TENM3: variants seen among roughly 807,000 people sequenced by gnomAD.
TENM3 encodes teneurin-3.
Under a neutral mutation model 255.1 loss-of-function variants are expected in TENM3, and 63 were observed. The observed-to-expected ratio is 0.25, with a 90% confidence interval of 0.20 to 0.30. The LOEUF is 0.30. Ranked by LOEUF, TENM3 falls within the 10% of genes least tolerant of loss-of-function variation. The probability of loss-of-function intolerance (pLI) is 1.00; values close to 1 mark genes in which losing one functional copy is unlikely to be tolerated. For synonymous variants in TENM3, 1,306 were observed against 1,322.3 expected (o/e 0.99, Z 0.27); for missense variants, 2,929 against 3,461.1 (o/e 0.85, Z 3.86).
intron 24 of TENM3, among the ~76,000 whole-genome samples, chr4:182,779,298 A>C (rs1487558271): frequency 6.6e-6 from 1 of 151,918 alleles, no homozygotes; most frequent in Non-Finnish European, 1.5e-5. Flanking sequence ...ATGAGTGAGA[A>C]TATACGGTGT....
At chr4:182,587,443 TA>T (rs1746140302) in intron 3 of TENM3, among the ~76,000 whole-genome samples, 1 of 151,984 alleles carries the variant, frequency 6.6e-6, no homozygotes, top group South Asian at 2.1e-4. Flanking sequence ...ATTTTTGTAC[TA>T]AAAATACAAA....
chr4:182,685,508 G>A (rs544290723), intron 11 of TENM3, among the ~76,000 whole-genome samples: 11 of 152,078 alleles, frequency 7.2e-5, no homozygotes, highest in Admixed American at 2.0e-4. Flanking sequence ...TGTTTTGTCC[G>A]CTATTCATAA....
chr4:182,483,725 G>A (rs1036639275), intron 3 of TENM3, among the ~76,000 whole-genome samples: 1 of 152,044 alleles, frequency 6.6e-6, no homozygotes, highest in African/African-American at 2.4e-5. Flanking sequence ...GGGTTTCATT[G>A]GCTCACAGTT....
chr4:181,778,499 G>T, the TENM3 span, among the ~76,000 whole-genome samples: 1 of 152,100 alleles, frequency 6.6e-6, no homozygotes, highest in Non-Finnish European at 1.5e-5. Context: ...AGGTTTTCTG[G>T]TGTTTAGGCC....
intron 3 of TENM3, among the ~76,000 whole-genome samples, chr4:182,441,624 A>G (rs565277134): frequency 5.3e-5 from 8 of 152,264 alleles, no homozygotes; most frequent in African/African-American, 1.9e-4. Flanking sequence ...CAGCCTCCCT[A>G]GTAGCTGGGA....
chr4:182,134,738 C>T, the TENM3 span, among the ~76,000 whole-genome samples: 5 of 152,276 alleles, frequency 3.3e-5, no homozygotes, highest in South Asian at 1.0e-3. Flanking sequence ...GCAAACAAAG[C>T]CAGAGCTACG....
In TENM3 at chr4:182,729,174, A is replaced by G. The variant is rs375007138; in HGVS notation, c.2578A>G (p.Asn860Asp). ...THVIPGESPFNKSLASVIRGQ... is the reference protein window; with the variant it reads ...THVIPGESPFDKSLASVIRGQ... ...TGTTATACCTGGAGAAAGTCCTTTC[A>G]ATAAGAGGTTAATGCTTCTTTTCCA... The change falls in exon 14 of 28, where the codon AAT (asparagine) becomes GAT (aspartate). Residue 860 changes from asparagine (N) to aspartate (D), a missense_variant. Asn to Asp is a conservative substitution (Grantham distance 23, BLOSUM62 1). This residue lies in a region of TENM3 where 1,608 missense variants were observed against 1,884.4 expected (regional missense o/e 0.85). Coordinates refer to ENST00000511685, the MANE Select transcript of TENM3 (RefSeq NM_001080477.4). 1.9e-6 allele frequency: 3 copies of G among 1,612,366 alleles called. No individual in the cohort carries two copies. The African/African-American group carries it at 4.0e-5, about 22-fold the overall frequency.
At chr4:182,598,526 G>C (rs1196012003) in intron 3 of TENM3, among the ~76,000 whole-genome samples, 1 of 152,176 alleles carries the variant, frequency 6.6e-6, no homozygotes. Flanking sequence ...CAATGGTTAC[G>C]TTTTTATTTA....
At chr4:182,263,088 T>C (rs764836695) in intron 1 of TENM3, among the ~76,000 whole-genome samples, 1 of 152,062 alleles carries the variant, frequency 6.6e-6, no homozygotes, top group Non-Finnish European at 1.5e-5. Context: ...CCCTTTCCTG[T>C]ATCATATTTC....
chr4:182,134,177 G>A, the TENM3 span, among the ~76,000 whole-genome samples: 6 of 152,156 alleles, frequency 3.9e-5, no homozygotes, highest in Non-Finnish European at 8.8e-5. Context: ...GGTAGTAAAG[G>A]TTGATTTCTA....
At chr4:181,985,822 TA>T in the TENM3 span, among the ~76,000 whole-genome samples, 1 of 152,154 alleles carries the variant, frequency 6.6e-6, no homozygotes, top group Non-Finnish European at 1.5e-5. Flanking sequence ...TGGTTGTTTT[TA>T]AAGCAAGTGT....
At chr4:181,451,471 A>G in the TENM3 span, among the ~76,000 whole-genome samples, 1 of 152,212 alleles carries the variant, frequency 6.6e-6, no homozygotes, top group African/African-American at 2.4e-5. Context: ...ATTAAAAATC[A>G]TCACACTGGT....
At chr4:181,488,513 G>GA in the TENM3 span, among the ~76,000 whole-genome samples, 5 of 152,136 alleles carry the variant, frequency 3.3e-5, no homozygotes, top group Middle Eastern at 3.4e-3. Flanking sequence ...TTTGAATTGG[G>GA]AAAAAAACTG....
At chr4:182,264,534 TG>T (rs1759102957) in intron 1 of TENM3, among the ~76,000 whole-genome samples, 2 of 152,202 alleles carry the variant, frequency 1.3e-5, no homozygotes, top group South Asian at 4.1e-4. Context: ...AGACTCCTTC[TG>T]GGAAAAAAGA....
At chr4:181,664,457 C>T in the TENM3 span, among the ~76,000 whole-genome samples, 45 of 145,566 alleles carry the variant, frequency 3.1e-4, no homozygotes, top group Non-Finnish European at 6.0e-4. Flanking sequence ...GCGACAAGAG[C>T]GAGACTCTGT....
the TENM3 span, among the ~76,000 whole-genome samples, chr4:181,497,027 C>T: frequency 6.6e-6 from 1 of 152,124 alleles, no homozygotes; most frequent in South Asian, 2.1e-4. Context: ...TGAAATGTTA[C>T]AGCCTGTAGA....
chr4:182,364,849 G>C (rs1200363461), intron 3 of TENM3, among the ~76,000 whole-genome samples: 3 of 151,992 alleles, frequency 2.0e-5, no homozygotes, highest in Non-Finnish European at 4.4e-5. Flanking sequence ...TTGAACTTTC[G>C]CTACTATAAG....
chr4:182,653,037 T>A (rs977014247), intron 5 of TENM3, among the ~76,000 whole-genome samples: 10 of 152,126 alleles, frequency 6.6e-5, no homozygotes, highest in African/African-American at 2.4e-4. Flanking sequence ...TATAGTTGTA[T>A]AGTCTTCTAG....
Position 182,323,109 on chromosome 4 carries a change from G to C in TENM3, c.-75-837G>C, listed in dbSNP as rs565236755. Among the ~76,000 whole-genome samples the C allele has an allele frequency of 7.2e-5, 11 of 152,172 alleles. No individual in the cohort carries two copies. The South Asian group carries it at 2.3e-3, about 32-fold the overall frequency. On this transcript the variant is annotated intron_variant, in intron 1 of 27. Transcript: ENST00000511685. Reference sequence around the variant, plus strand: ...TCTTGAAGGCCCCAGTCTTTTGCCGGCAGACCCTTTCCTCCCACCCTTTCC... The same window carrying C: ...TCTTGAAGGCCCCAGTCTTTTGCCGCCAGACCCTTTCCTCCCACCCTTTCC...
Sources: gnomAD v4.1 joint callset for allele counts (sites outside exome capture counted in the v4.1 genomes callset) on GRCh38, gnomAD v4.1.1 for gene constraint, gnomAD v4.1.1 regional missense constraint, MANE v1.5 for transcripts, NCBI Gene and HGNC (gene_info 2026-07-23, HGNC 2026-07-21) for gene names.